Variants in DNAH3 observed in about 807,000 individuals in gnomAD.
DNAH3 encodes dynein axonemal heavy chain 3.
Under a neutral mutation model 432.5 loss-of-function variants are expected in DNAH3, and 332 were observed. That is an observed-to-expected ratio of 0.77 (90% CI 0.70 to 0.84). DNAH3 has a LOEUF of 0.84. Ranked by LOEUF, DNAH3 falls within the 40% of genes least tolerant of loss-of-function variation. The pLI is 0.00. For missense variants in DNAH3, 4,861 were observed against 5,114.0 expected, an observed-to-expected ratio of 0.95 and a Z score of 1.51; for synonymous variants, 1,956 against 1,900.2, an observed-to-expected ratio of 1.03 and a Z score of -0.76.
intron 15 of DNAH3, among the ~76,000 whole-genome samples, 182 bp downstream of exon 15, chr16:21,106,308 T>C (rs2091944965): frequency 6.6e-6 from 1 of 152,060 alleles, no homozygotes; most frequent in Non-Finnish European, 1.5e-5. Flanking sequence ...CTCTAACATA[T>C]GGGGGCACTT....
chr16:20,976,236 C>T (rs947267411), intron 50 of DNAH3, among the ~76,000 whole-genome samples: 1 of 151,942 alleles, frequency 6.6e-6, no homozygotes, highest in East Asian at 1.9e-4. Flanking sequence ...CTCACTCTAT[C>T]ACCCAGGCTG....
At chr16:21,009,621 A>G (rs2087482028) in intron 41 of DNAH3, among the ~76,000 whole-genome samples, 1 of 152,160 alleles carries the variant, frequency 6.6e-6, no homozygotes, top group Non-Finnish European at 1.5e-5. Context: ...GCTTATGCCT[A>G]TAATTCCAGC....
intron 20 of DNAH3, among the ~76,000 whole-genome samples, chr16:21,079,448 A>AC: frequency 6.6e-6 from 1 of 152,002 alleles, no homozygotes; most frequent in Non-Finnish European, 1.5e-5. Flanking sequence ...ACATGATGAA[A>AC]CCCCATCTCT....
At chr16:21,031,176 C>T (rs747528187) in exon 37 of DNAH3, 2 of 1,614,090 alleles carry the variant, frequency 1.2e-6, no homozygotes, top group Non-Finnish European at 1.7e-6. Context: ...GCAAGGACAC[C>T]ATCCATCCAC....
At chr16:21,039,762 C>T in intron 33 of DNAH3, 90 bp downstream of exon 33, 2 of 978,508 alleles carry the variant, frequency 2.0e-6, no homozygotes, top group Non-Finnish European at 3.3e-6. Flanking sequence ...TCTCTCTCTT[C>T]TTCCAATGGG....
intron 44 of DNAH3, among the ~76,000 whole-genome samples, chr16:20,989,040 A>G (rs1440655455): frequency 1.3e-5 from 2 of 152,208 alleles, no homozygotes; most frequent in African/African-American, 2.4e-5. Context: ...CCACAGAGTG[A>G]GCACCAGTAA....
At chr16:21,115,731 A>C (rs1293082240) in intron 12 of DNAH3, among the ~76,000 whole-genome samples, 1 of 149,812 alleles carries the variant, frequency 6.7e-6, no homozygotes, top group East Asian at 2.0e-4. Flanking sequence ...TAAATAAAAT[A>C]AAATAAAATA....
intron 39 of DNAH3, among the ~76,000 whole-genome samples, chr16:21,023,378 T>C (rs182417843): frequency 4.6e-5 from 7 of 152,176 alleles, no homozygotes; most frequent in Admixed American, 3.3e-4. Flanking sequence ...AAAATACCTA[T>C]AGATCATGCA....
Position 21,036,686 on chromosome 16 carries a change from G to T in DNAH3, c.5085+28C>A, listed in dbSNP as rs759804746. The T allele has an allele frequency of 3.1e-6, 5 of 1,603,448 alleles. No homozygotes were observed. In the Admixed American group the frequency reaches 6.9e-5, roughly 22 times the overall value. ...CTGACTTCAGCAAACAGTAAAACAG[G>T]CACATTTATATGGGCTAAGGAACCA... On this transcript the variant is annotated intron_variant, in intron 35 of 61. Transcript: ENST00000261383.
intron 14 of DNAH3, among the ~76,000 whole-genome samples, chr16:21,107,000 T>C (rs1441914550): frequency 6.6e-6 from 1 of 152,026 alleles, no homozygotes; most frequent in African/African-American, 2.4e-5. Context: ...ATACTACTAT[T>C]ATCTATACTT....
At chr16:21,032,948 T>G in intron 36 of DNAH3, among the ~76,000 whole-genome samples, 1 of 152,008 alleles carries the variant, frequency 6.6e-6, no homozygotes, top group East Asian at 1.9e-4. Flanking sequence ...ATGCTAAAAA[T>G]ATTTTATATT....
At chr16:21,061,206 T>C (rs1353353589) in intron 25 of DNAH3, among the ~76,000 whole-genome samples, 1 of 150,262 alleles carries the variant, frequency 6.7e-6, no homozygotes, top group Non-Finnish European at 1.5e-5. Context: ...CTCAGAAGCA[T>C]ATGCCTTCTA....
chr16:21,003,273 G>T, intron 41 of DNAH3, 66 bp from the exon 42 acceptor site: 1 of 1,057,362 alleles, frequency 9.5e-7, no homozygotes. Flanking sequence ...CATATTTGAG[G>T]ATTTTAAGTC....
intron 49 of DNAH3, among the ~76,000 whole-genome samples, chr16:20,980,260 T>TTATAATATACATCATATAATATACATCA (rs1555517020): frequency 7.8e-6 from 1 of 129,028 alleles, no homozygotes; most frequent in Non-Finnish European, 1.7e-5. Context: ...ACATCATATA[T>TTATAATATACATCATATAATATACATCA]TATATTATAA....
intron 23 of DNAH3, among the ~76,000 whole-genome samples, chr16:21,068,619 C>T (rs1191449582): frequency 6.6e-6 from 1 of 152,174 alleles, no homozygotes; most frequent in African/African-American, 2.4e-5. Flanking sequence ...TCAGCCAAGG[C>T]AGCAAATTCT....
At chr16:20,957,903 C>A (rs949058105) in intron 54 of DNAH3, among the ~76,000 whole-genome samples, 2 of 138,268 alleles carry the variant, frequency 1.4e-5, no homozygotes, top group Non-Finnish European at 3.1e-5. Context: ...TTTGGTTCAA[C>A]TCATTATTTT....
chr16:20,986,271 G>A (rs972349617), intron 47 of DNAH3, among the ~76,000 whole-genome samples: 6 of 151,966 alleles, frequency 3.9e-5, no homozygotes, highest in South Asian at 4.2e-4. Context: ...TTGGGAGGCC[G>A]AGGCAGAAGG....
intron 20 of DNAH3, among the ~76,000 whole-genome samples, chr16:21,080,239 G>A (rs1209664185): frequency 2.6e-5 from 4 of 152,196 alleles, no homozygotes; most frequent in Non-Finnish European, 5.9e-5. Flanking sequence ...GGAGGTTGCA[G>A]TGAGCCGAGA....
chr16:20,976,359 AT>A (rs1473578631), intron 50 of DNAH3, among the ~76,000 whole-genome samples: 6 of 151,810 alleles, frequency 4.0e-5, no homozygotes, highest in Non-Finnish European at 7.4e-5. Flanking sequence ...CACCCAGCTA[AT>A]TTTTGTATTT....
Sources: allele counts gnomAD v4.1 joint callset (sites outside exome capture counted in the v4.1 genomes callset), GRCh38; gene constraint gnomAD v4.1.1; transcripts MANE v1.5; gene names NCBI Gene and HGNC (gene_info 2026-07-23, HGNC 2026-07-21).